CECR2: variants seen among roughly 807,000 people sequenced by gnomAD.
The protein encoded by CECR2 is CECR2 histone acetyl-lysine reader.
A neutral mutation model predicts 154.5 loss-of-function variants in CECR2; 30 were observed. The observed-to-expected ratio is 0.19, with a 90% CI of 0.15 to 0.26. The LOEUF (loss-of-function observed/expected upper bound fraction) is 0.26, where lower values mean the gene tolerates loss of function less well. Ranked by LOEUF, CECR2 falls within the 10% of genes least tolerant of loss-of-function variation. CECR2 has a pLI of 1.00. For missense variants in CECR2, 1,743 were observed against 1,829.3 expected (o/e 0.95, Z 0.86); for synonymous variants, 725 against 683.7 (o/e 1.06, Z -0.94).
intron 1 of CECR2, among the ~76,000 whole-genome samples, chr22:17,406,333 C>T (rs1196066700): frequency 6.6e-6 from 1 of 152,010 alleles, no homozygotes. Context: ...CCAGCCTGGC[C>T]AACATGACGA....
intron 1 of CECR2, among the ~76,000 whole-genome samples, chr22:17,463,082 A>T (rs1256995094): frequency 1.3e-5 from 2 of 152,190 alleles, no homozygotes; most frequent in East Asian, 3.9e-4. Flanking sequence ...AGCAGAGTAG[A>T]GGGACGAGAC....
chr22:17,534,867 A>AAAAG (rs1258939149), intron 9 of CECR2: 1 of 147,840 alleles, frequency 6.8e-6, no homozygotes, highest in Non-Finnish European at 1.5e-5. Flanking sequence ...CAAAAAAAAA[A>AAAAG]ATGCCAGGTG....
chr22:17,524,260 A>T lies in CECR2; in HGVS notation c.1097A>T (p.Lys366Met). ...AAACGCGAGTTGGAGGAGAAGGTCA[A>T]GGCAGTGGAAGGTATGTGCAGTGTC... Reference protein sequence around the residue: ...ERKRELEEKVKAVEDRAKRRK... With the variant: ...ERKRELEEKVMAVEDRAKRRK... The change falls in exon 9 of 19, where the codon AAG becomes ATG. Residue 366 changes from lysine to methionine, a missense_variant. This residue lies in a region of CECR2 where 292 missense variants were observed against 301.2 expected (regional missense o/e 0.97). Transcript: ENST00000262608. The T allele has an allele frequency of 1.2e-6, 2 of 1,608,378 alleles. No individual in the cohort carries two copies. The highest frequency in any genetic ancestry group is 1.7e-6 in the Non-Finnish European group (2 of 1,177,726).
chr22:17,453,034 A>C (rs1320694143), intron 1 of CECR2, among the ~76,000 whole-genome samples: 1 of 152,186 alleles, frequency 6.6e-6, no homozygotes, highest in Non-Finnish European at 1.5e-5. Context: ...TATTTATTGA[A>C]ATATAGGAAT....
chr22:17,516,306 G>A (rs1475755969), intron 8 of CECR2, among the ~76,000 whole-genome samples: 1 of 151,738 alleles, frequency 6.6e-6, no homozygotes, highest in Non-Finnish European at 1.5e-5. Flanking sequence ...CATTTTATAT[G>A]TATATATACA....
chr22:17,427,526 T>C lies in CECR2; in HGVS notation c.127-50062T>C, dbSNP rs556145182. Among the ~76,000 whole-genome samples, 221 of 152,252 alleles carry C rather than the reference T, an allele frequency of 1.5e-3. 1 individual carries two copies. The highest frequency in any genetic ancestry group is 5.6e-3 in the Admixed American group (85 of 15,284). Reference sequence around the variant, plus strand: ...GGTGGCGCGTCCAGGGTTTGTTCCTTCCGGTGGGTTTGTGGTCTCGCTGAC... The same window carrying C: ...GGTGGCGCGTCCAGGGTTTGTTCCTCCCGGTGGGTTTGTGGTCTCGCTGAC... On this transcript the variant is annotated intron_variant, in intron 1 of 18. Transcript: ENST00000262608.
Position 17,542,415 on chromosome 22 carries a change from C to T in CECR2, c.2272C>T (p.His758Tyr), listed in dbSNP as rs2056540736. 1 of 1,613,924 alleles carries T rather than the reference C, an allele frequency of 6.2e-7. No homozygotes were observed. Among genetic ancestry groups the T allele is most frequent in the Non-Finnish European group, 8.5e-7 (1 of 1,179,876 alleles). ...FPESSEIPPS[H>Y]MYRSYKYLNR... Reference sequence around the variant, plus strand: ...TGAAAGCTCAGAAATTCCTCCCAGCCATATGTATCGATCGTACAAGTACCT... The same window carrying T: ...TGAAAGCTCAGAAATTCCTCCCAGCTATATGTATCGATCGTACAAGTACCT... Residue 758 changes from histidine to tyrosine, a missense_variant, in exon 16 of 19, where the codon CAT (histidine) becomes TAT (tyrosine). Transcript: ENST00000262608.
Position 17,542,729 on chromosome 22 carries a change from G to C in CECR2, c.2586G>C (p.Leu862Phe), listed in dbSNP as rs1474842980. 17 of 1,613,888 alleles carry C rather than the reference G, an allele frequency of 1.1e-5. No individual in the cohort carries two copies. Among genetic ancestry groups the C allele is most frequent in the East Asian group, 2.2e-5 (1 of 44,888 alleles). ...CTCCAGTGCCAGCACCCAGTTCTTT[G>C]TTTGGAGCACCTGCCCAGGCTCTTC... ...QPPPVPAPSS[L>F]FGAPAQALRG... Residue 862 changes from leucine (L) to phenylalanine (F), a missense_variant, in exon 16 of 19, where the codon TTG becomes TTC. Around this residue, in one of 4 missense-constraint regions of CECR2, gnomAD observed 1,250 missense variants for 1,192.1 expected, o/e 1.05. Transcript: ENST00000262608.
At chr22:17,415,829 T>C (rs753953671) in intron 1 of CECR2, among the ~76,000 whole-genome samples, 1 of 152,234 alleles carries the variant, frequency 6.6e-6, no homozygotes, top group Non-Finnish European at 1.5e-5. Context: ...TTTGAAACTT[T>C]TATCTCTCTG....
intron 4 of CECR2, among the ~76,000 whole-genome samples, chr22:17,500,408 G>A (rs549514870): frequency 7.9e-5 from 12 of 152,146 alleles, no homozygotes; most frequent in African/African-American, 2.6e-4. Flanking sequence ...CTTACTCTTC[G>A]GAAGGTGTTA....
At chr22:17,436,105 C>T (rs903565378) in intron 1 of CECR2, among the ~76,000 whole-genome samples, 20 of 152,072 alleles carry the variant, frequency 1.3e-4, no homozygotes, top group South Asian at 4.2e-4. Context: ...ACTACAGGTG[C>T]GTGTCACCAC....
At chr22:17,361,201 G>T (rs566769472) in intron 1 of CECR2, among the ~76,000 whole-genome samples, 1 of 151,442 alleles carries the variant, frequency 6.6e-6, no homozygotes, top group African/African-American at 2.4e-5. Context: ...CAAAACAAAA[G>T]AACAGGCCAG....
intron 6 of CECR2, among the ~76,000 whole-genome samples, chr22:17,504,088 T>C (rs1214210921): frequency 1.3e-5 from 1 of 77,564 alleles, no homozygotes; most frequent in Non-Finnish European, 3.0e-5. Context: ...AATTTAAAAG[T>C]AGGCCAGGTG....
chr22:17,477,506 G>A, intron 1 of CECR2, 82 bp from the exon 2 acceptor site: 1 of 910,798 alleles, frequency 1.1e-6, no homozygotes. Context: ...CAGTTCTTGG[G>A]GCTTGTGCTG....
rs555820957 is a variant in CECR2 at position 17,450,753 on chromosome 22, T to C, written c.127-26835T>C. 3.3e-5 allele frequency among the ~76,000 whole-genome samples: 5 copies of C among 152,380 alleles called. No homozygotes were observed. The East Asian group carries it at 7.7e-4, about 23-fold the overall frequency. ...ATCCAGTTTTATCCATTATCATAAA[T>C]GGCATCTTTCAACTGAAATTTTGCC... On this transcript the variant is annotated intron_variant, in intron 1 of 18. Coordinates refer to ENST00000262608, the MANE Select transcript of CECR2 (RefSeq NM_001290047.2).
At chr22:17,524,052 C>T (rs2056206729) in intron 8 of CECR2, 66 bp from the exon 9 acceptor site, 2 of 1,264,918 alleles carry the variant, frequency 1.6e-6, no homozygotes, top group Middle Eastern at 1.9e-4. Flanking sequence ...ATTCAATGAA[C>T]TGAGAGCAAA....
intron 2 of CECR2, among the ~76,000 whole-genome samples, chr22:17,493,976 C>T (rs2055575543): frequency 6.6e-6 from 1 of 152,166 alleles, no homozygotes; most frequent in Non-Finnish European, 1.5e-5. Flanking sequence ...ACTTGGTGTA[C>T]ATTAGAAATT....
rs9617574 is a variant in CECR2 at position 17,415,439 on chromosome 22, G to A, written c.126+45530G>A. On this transcript the variant is annotated intron_variant, in intron 1 of 18. Transcript: ENST00000262608. ...GTATTTTTTGTAGAGATGAAGTTTC[G>A]CCATATTGCCCAGACTGGTCTCAAA... 8.5e-3 allele frequency among the ~76,000 whole-genome samples: 1,295 copies of A among 152,124 alleles called. 20 individuals carry two copies. Among genetic ancestry groups the A allele is most frequent in the African/African-American group, 0.029 (1,218 of 41,504 alleles).
intron 1 of CECR2, among the ~76,000 whole-genome samples, chr22:17,468,087 A>C (rs1414392182): frequency 2.0e-5 from 3 of 152,182 alleles, no homozygotes; most frequent in Admixed American, 2.0e-4. Context: ...CTATGGAGGT[A>C]CTTAAAATAC....
Sources: allele counts gnomAD v4.1 joint callset (sites outside exome capture counted in the v4.1 genomes callset), GRCh38; gene constraint gnomAD v4.1.1; regional missense constraint gnomAD v4.1.1; transcripts MANE v1.5; gene names NCBI Gene and HGNC (gene_info 2026-07-23, HGNC 2026-07-21).